The following PARPBP variants were observed in gnomAD, a reference collection of about 807,000 sequenced individuals.
PARPBP encodes the protein PARP1 binding protein, also known as PCNA-interacting partner.
A neutral mutation model predicts 50.0 loss-of-function variants in PARPBP; 52 were observed. That is an observed-to-expected ratio of 1.04 (90% CI 0.83 to 1.31). PARPBP has a LOEUF of 1.31. PARPBP is among the 50% of genes most tolerant of loss of function. PARPBP has a pLI of 0.00. For missense variants in PARPBP, 697 were observed against 672.0 expected, an observed-to-expected ratio of 1.04 and a Z score of -0.41; for synonymous variants, 244 against 232.1, an observed-to-expected ratio of 1.05 and a Z score of -0.47.
At chr12:102,187,896 A>G (rs1387890826) in intron 9 of PARPBP, among the ~76,000 whole-genome samples, 6 of 152,208 alleles carry the variant, frequency 3.9e-5, no homozygotes, top group African/African-American at 1.4e-4. Flanking sequence ...TAGGAGAGCT[A>G]TATAATCAAA....
intron 3 of PARPBP, chr12:102,151,683 G>T: frequency 6.5e-7 from 1 of 1,535,672 alleles, no homozygotes; most frequent in Non-Finnish European, 8.7e-7. Flanking sequence ...TGGAGCGGCA[G>T]AAGGGAGAGT....
chr12:102,147,213 TGGG>T (rs1356292384), intron 2 of PARPBP, among the ~76,000 whole-genome samples: 1 of 152,218 alleles, frequency 6.6e-6, no homozygotes, highest in Non-Finnish European at 1.5e-5. Context: ...ATCCCATTGC[TGGG>T]TATATACCCA....
intron 2 of PARPBP, among the ~76,000 whole-genome samples, chr12:102,146,992 G>A (rs1885453717): frequency 1.3e-5 from 2 of 152,054 alleles, no homozygotes; most frequent in African/African-American, 4.8e-5. Flanking sequence ...GGCCATCAGA[G>A]AAATGCAAAT....
chr12:102,150,846 C>T (rs1886093366), intron 3 of PARPBP, among the ~76,000 whole-genome samples: 2 of 152,190 alleles, frequency 1.3e-5, no homozygotes, highest in Non-Finnish European at 2.9e-5. Context: ...GACCCTCAAG[C>T]CAAGAAGTAG....
chr12:102,130,296 A>G (rs763314137), intron 2 of PARPBP, among the ~76,000 whole-genome samples: 1 of 152,238 alleles, frequency 6.6e-6, no homozygotes, highest in Non-Finnish European at 1.5e-5. Flanking sequence ...CTGGAAGACA[A>G]CCTAGGCAAT....
chr12:102,188,995 A>G (rs939367995), intron 9 of PARPBP, among the ~76,000 whole-genome samples: 2 of 152,174 alleles, frequency 1.3e-5, no homozygotes, highest in Admixed American at 1.3e-4. Context: ...CAAACTGGAG[A>G]GAAAAGAGAG....
intron 2 of PARPBP, among the ~76,000 whole-genome samples, chr12:102,139,609 G>T (rs1366212687): frequency 6.6e-6 from 1 of 152,170 alleles, no homozygotes; most frequent in Non-Finnish European, 1.5e-5. Flanking sequence ...GTATGATATT[G>T]GCTGTGGCTT....
intron 9 of PARPBP, among the ~76,000 whole-genome samples, chr12:102,192,076 A>T (rs986137820): frequency 2.0e-5 from 3 of 152,126 alleles, no homozygotes; most frequent in African/African-American, 7.2e-5. Context: ...ATATAAGCCA[A>T]TGTAGGTTGC....
intron 9 of PARPBP, among the ~76,000 whole-genome samples, chr12:102,191,533 A>G (rs1594637301): frequency 6.6e-6 from 1 of 152,160 alleles, no homozygotes; most frequent in East Asian, 1.9e-4. Flanking sequence ...ATGGGGGTTT[A>G]GAACTTTCAT....
At chr12:102,147,606 C>A (rs1262777677) in intron 2 of PARPBP, among the ~76,000 whole-genome samples, 1 of 151,452 alleles carries the variant, frequency 6.6e-6, no homozygotes, top group African/African-American at 2.4e-5. Flanking sequence ...AGGAGATATA[C>A]CTAATGCTAA....
intron 5 of PARPBP, 134 bp from the exon 6 acceptor site, chr12:102,165,595 T>G (rs1294794577): frequency 1.5e-6 from 1 of 653,006 alleles, no homozygotes; most frequent in Non-Finnish European, 2.6e-6. Flanking sequence ...TGACTCAAAG[T>G]GTGTCATGAG....
chr12:102,182,608 T>C lies in PARPBP; in HGVS notation c.1244T>C (p.Met415Thr). 1 of 1,609,428 alleles carries C rather than the reference T, an allele frequency of 6.2e-7. No homozygotes were observed. Among genetic ancestry groups the C allele is most frequent in the Non-Finnish European group, 8.5e-7 (1 of 1,176,848 alleles). The change falls in exon 9 of 11, where the codon ATG becomes ACG. Residue 415 changes from methionine (M) to threonine (T), a missense_variant. Met to Thr is a moderately conservative substitution (Grantham distance 81, BLOSUM62 -1). Transcript: ENST00000327680. ...CTAAGAGAACGCATCTGTGTGTCAA[T>C]GCAAGAGAAAAAAATTAAGGTACAA... ...KPLRERICVS[M>T]QEKKIKMKQT...
At chr12:102,161,575 C>T (rs1469557065) in intron 4 of PARPBP, among the ~76,000 whole-genome samples, 2 of 152,028 alleles carry the variant, frequency 1.3e-5, no homozygotes, top group Non-Finnish European at 2.9e-5. Context: ...GATCTAAGGA[C>T]AGATGATTTG....
intron 6 of PARPBP, 63 bp downstream of exon 6, chr12:102,165,946 G>A: frequency 1.8e-6 from 2 of 1,116,952 alleles, no homozygotes; most frequent in South Asian, 1.5e-5. Context: ...TACAGAATTG[G>A]GTAGAAATAA....
chr12:102,188,837 G>A lies in PARPBP; in HGVS notation c.1263+6210G>A, dbSNP rs550406307. 1.3e-4 allele frequency among the ~76,000 whole-genome samples: 20 copies of A among 152,046 alleles called. 1 individual carries two copies. Among genetic ancestry groups the A allele is most frequent in the African/African-American group, 4.8e-4 (20 of 41,492 alleles). ...AGAATTCCAACAGAGATTTAGAATC[G>A]ATGACATAGAACAAAAAAGATAATG... On this transcript the variant is annotated intron_variant, in intron 9 of 10. Coordinates refer to ENST00000327680, the MANE Select transcript of PARPBP (RefSeq NM_017915.5).
intron 2 of PARPBP, among the ~76,000 whole-genome samples, chr12:102,124,864 A>T (rs77492960): frequency 0.19 from 28,453 of 152,158 alleles, 2,697 homozygotes; most frequent in Non-Finnish European, 0.21. Context: ...TTTCTAAAAA[A>T]TTATTAGACA....
chr12:102,178,508 C>G, intron 7 of PARPBP, 84 bp from the exon 8 acceptor site: 1 of 732,198 alleles, frequency 1.4e-6, no homozygotes, highest in Non-Finnish European at 2.1e-6. Context: ...TGAAAGAGGC[C>G]AGTGCCACAG....
Position 102,196,325 on chromosome 12 carries a change from T to C in PARPBP, c.*34T>C. The C allele has an allele frequency of 5.4e-6, 7 of 1,292,444 alleles. No homozygotes were observed. The highest frequency in any genetic ancestry group is 6.5e-6 in the Non-Finnish European group (6 of 929,312). 80.1% of individuals were successfully genotyped at this position (1,292,444 alleles called of 1,614,324 possible). ...CTTATATGCTTTAGGTTTATGTATC[T>C]ATAAACCATTCACCAAAGACATGCT... On this transcript the variant is annotated 3_prime_UTR_variant, in exon 11 of 11. Transcript: ENST00000327680.
At chr12:102,131,970 G>A (rs1882929746) in intron 2 of PARPBP, among the ~76,000 whole-genome samples, 1 of 152,186 alleles carries the variant, frequency 6.6e-6, no homozygotes. Context: ...TTGGGAGGCT[G>A]AGGCAGGCAG....
Sources: gnomAD v4.1 joint callset for allele counts (sites outside exome capture counted in the v4.1 genomes callset) on GRCh38, gnomAD v4.1.1 for gene constraint, MANE v1.5 for transcripts, NCBI Gene and HGNC (gene_info 2026-07-23, HGNC 2026-07-21) for gene names.